Variants in MSRA observed in about 807,000 individuals in gnomAD.
MSRA encodes mitochondrial peptide methionine sulfoxide reductase.
Under a neutral mutation model 31.3 loss-of-function variants are expected in MSRA, and 54 were observed. That is an observed-to-expected ratio of 1.73 (90% confidence interval 1.39 to 2.17). MSRA has a LOEUF of 2.17. Ranked by LOEUF, MSRA falls within the 30% of genes most tolerant of loss-of-function variation. The pLI, the probability that MSRA is intolerant of heterozygous loss-of-function variation, is 0.00. For missense variants in MSRA, 507 were observed against 300.9 expected (o/e 1.69, Z -5.07); for synonymous variants, 169 against 116.5 (o/e 1.45, Z -2.90).
At chr8:10,119,484 G>A (rs1482836634) in intron 1 of MSRA, among the ~76,000 whole-genome samples, 1 of 152,190 alleles carries the variant, frequency 6.6e-6, no homozygotes, top group Admixed American at 6.5e-5. Flanking sequence ...AGTCTGGAGT[G>A]ATTCTAGCAC....
chr8:10,131,089 C>A (rs1257916633), intron 1 of MSRA, among the ~76,000 whole-genome samples: 1 of 152,094 alleles, frequency 6.6e-6, no homozygotes, highest in African/African-American at 2.4e-5. Flanking sequence ...TGCTTTGTTC[C>A]TTTGTTTCTT....
At chr8:10,388,579 T>C (rs1585653226) in intron 5 of MSRA, among the ~76,000 whole-genome samples, 2 of 152,186 alleles carry the variant, frequency 1.3e-5, no homozygotes, top group East Asian at 1.9e-4. Context: ...CTCTCACTTT[T>C]CTGATGCTAA....
chr8:10,104,958 G>T (rs1214771763), intron 1 of MSRA, among the ~76,000 whole-genome samples: 2 of 152,136 alleles, frequency 1.3e-5, no homozygotes, highest in Admixed American at 1.3e-4. Context: ...GGTAGTACCA[G>T]ACTTTAAAAT....
At chr8:10,192,292 T>C (rs1335469851) in intron 1 of MSRA, among the ~76,000 whole-genome samples, 1 of 152,196 alleles carries the variant, frequency 6.6e-6, no homozygotes, top group Non-Finnish European at 1.5e-5. Context: ...GTATCAGAAT[T>C]TGTGGCTATA....
chr8:10,224,914 G>A (rs756295940), intron 2 of MSRA, among the ~76,000 whole-genome samples: 1 of 152,178 alleles, frequency 6.6e-6, no homozygotes, highest in Non-Finnish European at 1.5e-5. Context: ...TACTTTGGGA[G>A]GATCACCTGA....
At chr8:10,212,269 G>A (rs1809570795) in intron 2 of MSRA, among the ~76,000 whole-genome samples, 1 of 152,130 alleles carries the variant, frequency 6.6e-6, no homozygotes, top group African/African-American at 2.4e-5. Flanking sequence ...TAAAAAGAGT[G>A]CTGTGAACAA....
intron 5 of MSRA, among the ~76,000 whole-genome samples, chr8:10,380,024 A>G (rs1358345256): frequency 1.3e-5 from 2 of 152,188 alleles, no homozygotes; most frequent in Non-Finnish European, 2.9e-5. Context: ...CACAATCAAC[A>G]ACAGAAAGTT....
chr8:10,108,045 G>A (rs1445925329), intron 1 of MSRA, among the ~76,000 whole-genome samples: 1 of 152,062 alleles, frequency 6.6e-6, no homozygotes, highest in East Asian at 1.9e-4. Context: ...TATAGGGGTC[G>A]TTGTCTTCTT....
intron 1 of MSRA, among the ~76,000 whole-genome samples, chr8:10,063,155 T>C (rs1797292651): frequency 6.6e-6 from 1 of 152,328 alleles, no homozygotes; most frequent in African/African-American, 2.4e-5. Context: ...CCTCTCTCAG[T>C]GGCACTGCTC....
At chr8:10,142,394 A>G (rs773110332) in intron 1 of MSRA, among the ~76,000 whole-genome samples, 3 of 152,226 alleles carry the variant, frequency 2.0e-5, no homozygotes, top group African/African-American at 4.8e-5. Flanking sequence ...CTGGCAAGTG[A>G]TGGAGATGGC....
At chr8:10,412,182 T>G (rs1265972002) in intron 5 of MSRA, among the ~76,000 whole-genome samples, 5 of 152,260 alleles carry the variant, frequency 3.3e-5, no homozygotes, top group Non-Finnish European at 5.9e-5. Context: ...GGAAAATGTT[T>G]CCGTTTTTAG....
intron 1 of MSRA, among the ~76,000 whole-genome samples, chr8:10,082,078 C>T: frequency 6.6e-6 from 1 of 152,028 alleles, no homozygotes. Context: ...TGGTGGTGTG[C>T]ACCCGTAGTC....
At chr8:10,228,970 T>G (rs995386880) in intron 2 of MSRA, among the ~76,000 whole-genome samples, 23 of 152,174 alleles carry the variant, frequency 1.5e-4, no homozygotes, top group African/African-American at 5.6e-4. Flanking sequence ...CTGATCACAA[T>G]TGTAATGTCA....
At chr8:10,332,838 A>G (rs1344317245) in intron 5 of MSRA, among the ~76,000 whole-genome samples, 5 of 152,216 alleles carry the variant, frequency 3.3e-5, no homozygotes, top group Admixed American at 1.3e-4. Context: ...GGCTTTACAT[A>G]TTAAACTGTG....
At chr8:10,423,892 A>C (rs1206225636) in intron 5 of MSRA, among the ~76,000 whole-genome samples, 1 of 152,040 alleles carries the variant, frequency 6.6e-6, no homozygotes, top group Non-Finnish European at 1.5e-5. Flanking sequence ...GATCCCAAGA[A>C]TCCATAGTTC....
At chr8:10,105,502 T>G (rs1312692139) in intron 1 of MSRA, among the ~76,000 whole-genome samples, 1 of 152,254 alleles carries the variant, frequency 6.6e-6, no homozygotes, top group Non-Finnish European at 1.5e-5. Flanking sequence ...AAGAGTATTG[T>G]GGAGTTTTAC....
chr8:10,135,796 G>A lies in MSRA; in HGVS notation c.143-72037G>A, dbSNP rs372895349. 1.2e-4 allele frequency among the ~76,000 whole-genome samples: 18 copies of A among 152,298 alleles called. No individual in the cohort carries two copies. In the East Asian group the frequency reaches 1.9e-3, roughly 16 times the overall value. ...TTTGCATATACGCAAACTGGCAGAC[G>A]CAGTTCTGGAATTTTGTTGAGACAT... On this transcript the variant is annotated intron_variant, in intron 1 of 5. Transcript: ENST00000317173.
intron 2 of MSRA, among the ~76,000 whole-genome samples, chr8:10,221,756 C>G (rs1379179021): frequency 6.6e-6 from 1 of 152,020 alleles, no homozygotes; most frequent in African/African-American, 2.4e-5. Context: ...AAATGCTAGG[C>G]TAGGTTGAGG....
chr8:10,308,525 T>G (rs1346595132), intron 4 of MSRA, among the ~76,000 whole-genome samples: 2 of 152,220 alleles, frequency 1.3e-5, no homozygotes, highest in Non-Finnish European at 2.9e-5. Context: ...CAAAACCAGC[T>G]GTGGCCCCCT....
Sources: gnomAD v4.1 joint callset for allele counts (sites outside exome capture counted in the v4.1 genomes callset) on GRCh38, gnomAD v4.1.1 for gene constraint, MANE v1.5 for transcripts, NCBI Gene and HGNC (gene_info 2026-07-23, HGNC 2026-07-21) for gene names.